DLG2: variants seen among roughly 807,000 people sequenced by gnomAD.
DLG2 encodes the protein discs large MAGUK scaffold protein 2, also known as disks large homolog 2.
A neutral mutation model predicts 132.5 loss-of-function variants in DLG2; 45 were observed. That is an observed-to-expected ratio of 0.34 (90% CI 0.27 to 0.44). The LOEUF (loss-of-function observed/expected upper bound fraction) is 0.44. Ranked by LOEUF, DLG2 falls within the 20% of genes least tolerant of loss-of-function variation. The pLI, the probability that DLG2 is intolerant of heterozygous loss-of-function variation, is 1.00. For missense variants in DLG2, 1,045 were observed against 1,196.9 expected, an observed-to-expected ratio of 0.87 and a Z score of 1.87; for synonymous variants, 424 against 419.6, an observed-to-expected ratio of 1.01 and a Z score of -0.13.
intron 8 of DLG2, among the ~76,000 whole-genome samples, chr11:84,183,779 T>C (rs1038004991): frequency 6.6e-6 from 1 of 152,112 alleles, no homozygotes; most frequent in South Asian, 2.1e-4. Context: ...CCTGTGTCCA[T>C]GTGTTCTCAT....
At chr11:83,921,677 T>C (rs2852735) in intron 15 of DLG2, among the ~76,000 whole-genome samples, 90,799 of 151,876 alleles carry the variant, frequency 0.6, 27,691 homozygotes, top group East Asian at 0.91. Flanking sequence ...GGTAGTTTCC[T>C]TCACAAAGGA....
intron 3 of DLG2, among the ~76,000 whole-genome samples, chr11:85,508,399 T>A (rs1054070761): frequency 6.6e-6 from 1 of 152,088 alleles, no homozygotes; most frequent in Non-Finnish European, 1.5e-5. Context: ...ATTAACCCTA[T>A]ACCTCTCTCA....
At position 84,265,425 on chromosome 11, in the gene DLG2, T is replaced by C. The variant is rs549182214; in HGVS notation, c.520-14134A>G. Among the ~76,000 whole-genome samples, 9 of 152,264 alleles carry C rather than the reference T, an allele frequency of 5.9e-5. No homozygotes were observed. In the East Asian group the frequency reaches 1.5e-3, roughly 26 times the overall value. On this transcript the variant is annotated intron_variant, in intron 7 of 27. Transcript: ENST00000376104. ...GAGAATTTGAGTAATTTACCCAAGA[T>C]AGCAAATGGTGGAAGAAGGATCCTT...
chr11:84,738,059 A>G (rs2064096062), intron 6 of DLG2, among the ~76,000 whole-genome samples: 1 of 152,084 alleles, frequency 6.6e-6, no homozygotes, highest in Admixed American at 6.6e-5. Context: ...TCTAGAGCGC[A>G]GCGTAAACTG....
At chr11:83,597,904 G>C (rs949115613) in intron 19 of DLG2, among the ~76,000 whole-genome samples, 1 of 152,148 alleles carries the variant, frequency 6.6e-6, no homozygotes, top group Non-Finnish European at 1.5e-5. Context: ...ACATTCTTAT[G>C]CCTATCTTTA....
chr11:84,455,473 G>C (rs2099062902), intron 7 of DLG2, among the ~76,000 whole-genome samples: 1 of 151,148 alleles, frequency 6.6e-6, no homozygotes, highest in African/African-American at 2.4e-5. Flanking sequence ...AATTTACCAA[G>C]TCTATCTCCT....
At chr11:84,454,924 G>A (rs1037866514) in intron 7 of DLG2, among the ~76,000 whole-genome samples, 5 of 151,326 alleles carry the variant, frequency 3.3e-5, no homozygotes, top group Admixed American at 3.3e-4. Context: ...TGATTTTACA[G>A]GTGTAGATAT....
At chr11:85,352,913 GGACATA>G (rs1389123640) in intron 3 of DLG2, among the ~76,000 whole-genome samples, 1 of 152,154 alleles carries the variant, frequency 6.6e-6, no homozygotes, top group Non-Finnish European at 1.5e-5. Context: ...ATACCATTCA[GGACATA>G]GGCATGTGCA....
chr11:85,092,348 C>A (rs1298833989), intron 6 of DLG2, among the ~76,000 whole-genome samples: 3 of 151,988 alleles, frequency 2.0e-5, no homozygotes, highest in African/African-American at 7.3e-5. Flanking sequence ...GATAAACATC[C>A]TGAAAGTCTA....
At chr11:83,731,502 T>C (rs2091002278) in intron 18 of DLG2, among the ~76,000 whole-genome samples, 1 of 152,232 alleles carries the variant, frequency 6.6e-6, no homozygotes, top group Non-Finnish European at 1.5e-5. Flanking sequence ...TATTCCATGG[T>C]GTATACGTAC....
intron 7 of DLG2, among the ~76,000 whole-genome samples, chr11:84,431,238 G>T (rs140731597): frequency 1.3e-5 from 2 of 151,738 alleles, no homozygotes; most frequent in African/African-American, 4.8e-5. Flanking sequence ...TATAGTATAC[G>T]CAAACATACA....
At chr11:85,127,276 C>G (rs1317174325) in intron 5 of DLG2, among the ~76,000 whole-genome samples, 1 of 136,400 alleles carries the variant, frequency 7.3e-6, no homozygotes, top group Non-Finnish European at 1.6e-5. Flanking sequence ...ATCTCTCTCT[C>G]TCTCCCCACA....
Position 84,080,519 on chromosome 11 carries a change from T to C in DLG2, c.749+18404A>G, listed in dbSNP as rs1185242655. On this transcript the variant is annotated intron_variant, in intron 10 of 27. Transcript: ENST00000376104. ...TAAGGCACAATCAATCATTATGGGA[T>C]GCTTTTGAACAAAGGTCTAAAATAC... Among the ~76,000 whole-genome samples the C allele has an allele frequency of 2.0e-5, 3 of 152,204 alleles. No homozygotes were observed. The East Asian group carries it at 5.8e-4, about 29-fold the overall frequency.
intron 6 of DLG2, among the ~76,000 whole-genome samples, chr11:84,570,529 G>C (rs1454910414): frequency 6.6e-6 from 1 of 152,100 alleles, no homozygotes; most frequent in African/African-American, 2.4e-5. Flanking sequence ...GCACATAGTA[G>C]GTGTTGCATA....
intron 5 of DLG2, among the ~76,000 whole-genome samples, chr11:85,146,810 C>A (rs1293628781): frequency 2.0e-5 from 3 of 152,182 alleles, no homozygotes; most frequent in African/African-American, 7.2e-5. Context: ...GGACTGCAAA[C>A]CTTGTTACCT....
intron 6 of DLG2, among the ~76,000 whole-genome samples, chr11:84,858,227 A>G (rs1466036923): frequency 6.6e-6 from 1 of 151,820 alleles, no homozygotes; most frequent in Admixed American, 6.6e-5. Flanking sequence ...TTATTTGCAT[A>G]TCCTTAAGGG....
At chr11:85,393,328 T>G (rs1159886004) in intron 3 of DLG2, among the ~76,000 whole-genome samples, 5 of 152,090 alleles carry the variant, frequency 3.3e-5, no homozygotes, top group African/African-American at 9.7e-5. Context: ...AAATAATAGT[T>G]GTTAGCATGG....
At chr11:85,470,073 T>C (rs2092931502) in intron 3 of DLG2, among the ~76,000 whole-genome samples, 1 of 151,994 alleles carries the variant, frequency 6.6e-6, no homozygotes, top group Non-Finnish European at 1.5e-5. Flanking sequence ...ACTGTTCCTC[T>C]GACAATCTCA....
At chr11:85,239,425 T>A (rs1302988959) in intron 4 of DLG2, among the ~76,000 whole-genome samples, 1 of 152,126 alleles carries the variant, frequency 6.6e-6, no homozygotes, top group Non-Finnish European at 1.5e-5. Context: ...TAAAATAGAC[T>A]AGTATCTACA....
Sources: allele counts gnomAD v4.1 joint callset (sites outside exome capture counted in the v4.1 genomes callset), GRCh38; gene constraint gnomAD v4.1.1; transcripts MANE v1.5; gene names NCBI Gene and HGNC (gene_info 2026-07-23, HGNC 2026-07-21).